The following ENKUR variants were observed in gnomAD, a reference collection of about 807,000 sequenced individuals.
ENKUR encodes enkurin.
A neutral mutation model predicts 27.6 loss-of-function variants in ENKUR; 19 were observed. The ratio of observed to expected loss-of-function variants is 0.69; its 90% CI spans 0.48 to 1.01. The LOEUF (loss-of-function observed/expected upper bound fraction) is 1.01, where lower values mean the gene tolerates loss of function less well. ENKUR is among the 50% of genes least tolerant of loss of function. The probability of loss-of-function intolerance (pLI) is 0.00; values close to 1 mark genes in which losing one functional copy is unlikely to be tolerated. For missense variants in ENKUR, 312 were observed against 310.5 expected, an observed-to-expected ratio of 1.00 and a Z score of -0.04; for synonymous variants, 117 against 96.9, an observed-to-expected ratio of 1.21 and a Z score of -1.22.
chr10:25,052,064 A>G (rs1456604677), intron 2 of ENKUR, among the ~76,000 whole-genome samples: 1 of 152,238 alleles, frequency 6.6e-6, no homozygotes, highest in Non-Finnish European at 1.5e-5. Context: ...TAGAGCAGAA[A>G]GTCCATTGTC....
chr10:25,010,822 A>G (rs557404146), intron 1 of ENKUR, among the ~76,000 whole-genome samples: 5,454 of 149,722 alleles, frequency 0.036, 229 homozygotes, highest in African/African-American at 0.1. Context: ...TATGTGCCAC[A>G]TTTTCTTAGT....
At chr10:25,012,267 G>A (rs529460405) in intron 1 of ENKUR, among the ~76,000 whole-genome samples, 1 of 152,388 alleles carries the variant, frequency 6.6e-6, no homozygotes, top group Non-Finnish European at 1.5e-5. Flanking sequence ...CTAGGGCAGT[G>A]TGGAAGGGAA....
intron 2 of ENKUR, among the ~76,000 whole-genome samples, chr10:25,060,099 G>C (rs1851309242): frequency 6.6e-6 from 1 of 152,148 alleles, no homozygotes. Flanking sequence ...TGAAGGCGGG[G>C]TGCTTAGGAA....
chr10:25,009,256 A>T (rs1045563962), intron 1 of ENKUR, among the ~76,000 whole-genome samples: 1 of 132,408 alleles, frequency 7.6e-6, no homozygotes, highest in Non-Finnish European at 1.5e-5. Context: ...AGAGTATAAT[A>T]AAAAAAAAAG....
intron 2 of ENKUR, chr10:25,026,527 T>C (rs1850856006): frequency 6.0e-6 from 1 of 166,966 alleles, no homozygotes; most frequent in Non-Finnish European, 1.5e-5. Context: ...AACATTGTCT[T>C]TTTCTGGCAG....
intron 2 of ENKUR, among the ~76,000 whole-genome samples, chr10:25,057,617 A>G (rs774806064): frequency 2.2e-4 from 34 of 152,190 alleles, no homozygotes; most frequent in Non-Finnish European, 4.1e-4. Context: ...TAAGTCTGCC[A>G]TATCAAAATT....
intron 3 of ENKUR, among the ~76,000 whole-genome samples, chr10:24,994,527 T>G (rs570751675): frequency 1.3e-5 from 2 of 151,642 alleles, no homozygotes; most frequent in Admixed American, 1.3e-4. Context: ...AGAGATGGGG[T>G]GTCACCATGT....
upstream of ENKUR, among the ~76,000 whole-genome samples, chr10:25,018,838 T>C (rs986268241): frequency 9.2e-5 from 14 of 152,290 alleles, no homozygotes; most frequent in Middle Eastern, 3.4e-3. Flanking sequence ...ATATTCGAGA[T>C]CGTTAAGAAT....
At chr10:25,048,038 T>TA (rs1248670575) in intron 2 of ENKUR, among the ~76,000 whole-genome samples, 7 of 152,138 alleles carry the variant, frequency 4.6e-5, no homozygotes, top group Non-Finnish European at 8.8e-5. Context: ...TTCCTTACCC[T>TA]AATCTCTACA....
Position 24,983,013 on chromosome 10 carries a change from T to C in ENKUR, c.*1357A>G, listed in dbSNP as rs887619814. On this transcript the variant is annotated 3_prime_UTR_variant, in exon 6 of 6. Coordinates refer to ENST00000331161, the MANE Select transcript of ENKUR (RefSeq NM_145010.4). ...TGAATTATTTAAAAATGAGTATGTA[T>C]AGCAATCATTTCACAAATAAAATAC... 2 of 152,192 alleles carry C rather than the reference T, an allele frequency of 1.3e-5. No homozygotes were observed. Among genetic ancestry groups the C allele is most frequent in the African/African-American group, 2.4e-5 (1 of 41,454 alleles). The allele number at this position is 152,192 out of a possible 1,614,324, so 9.4% of individuals were successfully genotyped here. A position where few individuals can be genotyped will look rare whatever the true frequency, so the allele number is the denominator to read the frequency against.
intron 2 of ENKUR, among the ~76,000 whole-genome samples, chr10:25,050,767 G>A (rs561473103): frequency 9.9e-5 from 15 of 152,258 alleles, no homozygotes; most frequent in African/African-American, 3.4e-4. Context: ...TTAAAAGGAG[G>A]TAATGCTGTC....
chr10:25,052,019 T>G (rs1413419409), intron 2 of ENKUR, among the ~76,000 whole-genome samples: 1 of 152,198 alleles, frequency 6.6e-6, no homozygotes, highest in Non-Finnish European at 1.5e-5. Flanking sequence ...AAATTCACAT[T>G]AGGCAGCAAA....
chr10:25,045,312 C>G lies in ENKUR; in HGVS notation c.37+15800G>C, dbSNP rs1851110617. On this transcript the variant is annotated intron_variant, in intron 2 of 5. Transcript: ENST00000615958. ...TCCAGTGTATTCTTATTATATGACC[C>G]ATACTGCCCTATGCTTTTCTTTTGA... Among the ~76,000 whole-genome samples, 8 of 152,258 alleles carry G rather than the reference C, an allele frequency of 5.3e-5. No homozygotes were observed. In the South Asian group the frequency reaches 1.7e-3, roughly 32 times the overall value.
Position 25,032,646 on chromosome 10 carries a change from C to T in ENKUR, c.37+28466G>A, listed in dbSNP as rs532666913. On this transcript the variant is annotated intron_variant, in intron 2 of 5. Coordinates refer to the ENKUR transcript ENST00000615958. ...TTCTTGAACTATTTTAGGGTCTTGA[C>T]GTCCTAATCAGCCAAATTTTGAAGT... is the stretch of plus-strand genomic sequence containing the variant. 5.5e-4 allele frequency among the ~76,000 whole-genome samples: 83 copies of T among 152,248 alleles called. 1 individual carries two copies. In the South Asian group the frequency reaches 0.016, roughly 30 times the overall value.
intron 2 of ENKUR, chr10:25,025,452 A>C (rs1850831554): frequency 6.3e-7 from 1 of 1,594,262 alleles, no homozygotes; most frequent in African/African-American, 1.4e-5. Flanking sequence ...ATCAATTCAT[A>C]TGAAAGCTTT....
chr10:25,014,797 C>A (rs889570000), intron 1 of ENKUR, among the ~76,000 whole-genome samples: 9 of 152,186 alleles, frequency 5.9e-5, no homozygotes, highest in African/African-American at 2.2e-4. Flanking sequence ...AGATGTAATA[C>A]AGTTACTGCT....
intron 1 of ENKUR, among the ~76,000 whole-genome samples, chr10:25,002,807 C>T (rs1039969112): frequency 1.3e-5 from 2 of 152,022 alleles, no homozygotes; most frequent in African/African-American, 2.4e-5. Flanking sequence ...ACTGAATGAG[C>T]TCATTAGATA....
chr10:24,992,111 A>G (rs1300926783), intron 3 of ENKUR, among the ~76,000 whole-genome samples: 1 of 152,254 alleles, frequency 6.6e-6, no homozygotes, highest in African/African-American at 2.4e-5. Flanking sequence ...TTCACCATCT[A>G]TAGAAACAGA....
chr10:24,984,398 A>AG (rs1849734427), intron 5 of ENKUR, 22 bp from the exon 6 acceptor site: 4 of 1,595,218 alleles, frequency 2.5e-6, no homozygotes, highest in Non-Finnish European at 3.4e-6. Context: ...AAAAAAAAAA[A>AG]GTGAAGTTCT....
Sources: gnomAD v4.1 joint callset for allele counts (sites outside exome capture counted in the v4.1 genomes callset) on GRCh38, gnomAD v4.1.1 for gene constraint, MANE v1.5 for transcripts, NCBI Gene and HGNC (gene_info 2026-07-23, HGNC 2026-07-21) for gene names.